The following FAM83E variants were observed in gnomAD, a reference collection of about 807,000 sequenced individuals.
FAM83E encodes scaffolding CK1 anchoring protein E, also known as protein FAM83E.
Under a neutral mutation model 34.3 loss-of-function variants are expected in FAM83E, and 29 were observed. That is an observed-to-expected ratio of 0.85 (90% CI 0.63 to 1.15). The LOEUF (loss-of-function observed/expected upper bound fraction) is 1.15, where lower values mean the gene tolerates loss of function less well. FAM83E is among the 50% of genes most tolerant of loss of function. FAM83E has a pLI of 0.00. For missense variants in FAM83E, 697 were observed against 685.0 expected (o/e 1.02, Z -0.20); for synonymous variants, 312 against 311.6 (o/e 1.00, Z -0.01).
At chr19:48,602,705 A>AAAAAATATATG (rs1973845368) in intron 6 of FAM83E, among the ~76,000 whole-genome samples, 1 of 29,428 alleles carries the variant, frequency 3.4e-5, no homozygotes, top group African/African-American at 1.7e-4. Flanking sequence ...AAAAAAAAAA[A>AAAAAATATATG]TATATATATA....
rs777752019 is a variant in FAM83E, at chr19:48,603,667, G to A, written c.1003C>T (p.Arg335Cys). The A allele has an allele frequency of 2.1e-4, 272 of 1,303,886 alleles. No individual in the cohort carries two copies. The highest frequency in any genetic ancestry group is 2.6e-4 in the Non-Finnish European group (268 of 1,024,282). The allele number at this position is 1,303,886 out of a possible 1,614,324, so 80.8% of individuals were successfully genotyped here. The change falls in exon 6 of 7, where the codon CGC (arginine) becomes TGC (cysteine). Residue 335 changes from arginine (R) to cysteine (C), a missense_variant. Arg to Cys is a radical substitution (Grantham distance 180). Coordinates refer to ENST00000263266, the MANE Select transcript of FAM83E (RefSeq NM_017708.4). ...PPPPDGPLAH[R>C]LAACRVSPAT... is the part of the protein sequence containing the mutation. ...GGGGAGACGCGGCAGGCGGCCAGGC[G>A]GTGGGCCAGCGGGCCGTCAGGCGGC... is the stretch of plus-strand genomic sequence containing the variant.
chr19:48,612,095 G>A (rs1023657557), intron 3 of FAM83E, among the ~76,000 whole-genome samples: 1 of 152,168 alleles, frequency 6.6e-6, no homozygotes, highest in Non-Finnish European at 1.5e-5. Flanking sequence ...AGATTTAACC[G>A]CCCCCGTGCC....
chr19:48,603,998 G>C, intron 5 of FAM83E, 87 bp from the exon 6 acceptor site: 1 of 1,399,494 alleles, frequency 7.1e-7, no homozygotes, highest in Non-Finnish European at 9.7e-7. Flanking sequence ...AGGGGAGACC[G>C]TAGGACCTCA....
At chr19:48,610,932 G>T in intron 3 of FAM83E, 85 bp from the exon 4 acceptor site, 1 of 1,384,320 alleles carries the variant, frequency 7.2e-7, no homozygotes, top group Non-Finnish European at 9.9e-7. Context: ...CTGACATCTG[G>T]AATCTGGGAG....
At chr19:48,609,614 C>T (rs1974003799) in intron 5 of FAM83E, among the ~76,000 whole-genome samples, 1 of 152,058 alleles carries the variant, frequency 6.6e-6, no homozygotes, top group Non-Finnish European at 1.5e-5. Context: ...TTGAACAAAC[C>T]CCACCCCCAA....
At chr19:48,609,198 C>T (rs1261192915) in intron 5 of FAM83E, among the ~76,000 whole-genome samples, 1 of 151,962 alleles carries the variant, frequency 6.6e-6, no homozygotes, top group Non-Finnish European at 1.5e-5. Flanking sequence ...GGCCACACCC[C>T]TCTCCTCCCT....
At chr19:48,602,598 G>A (rs762233763) in intron 6 of FAM83E, among the ~76,000 whole-genome samples, 133 of 145,710 alleles carry the variant, frequency 9.1e-4, no homozygotes, top group African/African-American at 3.1e-3. Context: ...CCCATCCCCC[G>A]TCTCCTCTCC....
At chr19:48,602,833 TA>T (rs1221315793) in intron 6 of FAM83E, among the ~76,000 whole-genome samples, 13 of 127,850 alleles carry the variant, frequency 1.0e-4, no homozygotes, top group African/African-American at 4.1e-4. Context: ...TGTTTATTAT[TA>T]TTATTATTAT....
At chr19:48,611,185 T>C (rs1974036245) in intron 3 of FAM83E, among the ~76,000 whole-genome samples, 3 of 151,620 alleles carry the variant, frequency 2.0e-5, no homozygotes, top group Admixed American at 1.3e-4. Context: ...TTTTTTTTTT[T>C]TGAGACGGAG....
In FAM83E at chr19:48,614,452, T is replaced by C; in HGVS notation, c.-1080A>G. 13 of 985,496 alleles carry C rather than the reference T, an allele frequency of 1.3e-5. No individual in the cohort carries two copies. The highest frequency in any genetic ancestry group is 1.6e-5 in the Non-Finnish European group (13 of 830,122). The allele number at this position is 985,496 out of a possible 1,614,324, so 61.0% of individuals were successfully genotyped here. ...TCCTGCCAGCTACCCGGACGCTTCT[T>C]CCCGGACAGGGGCCAGTCTCTATCT... On this transcript the variant is annotated 5_prime_UTR_variant, in exon 3 of 7. Transcript: ENST00000263266.
chr19:48,607,668 TAA>T (rs1190384649), intron 5 of FAM83E: 10 of 349,068 alleles, frequency 2.9e-5, no homozygotes, highest in Admixed American at 1.7e-4. Context: ...TGAAATATGG[TAA>T]AAAATATATA....
chr19:48,606,952 G>A, intron 5 of FAM83E: 1 of 1,596,244 alleles, frequency 6.3e-7, no homozygotes, highest in East Asian at 2.2e-5. Flanking sequence ...GGCCTGGCTG[G>A]GGCAGGGTCA....
At position 48,608,285 on chromosome 19, in the gene FAM83E, T is replaced by A. The variant is rs576654674; in HGVS notation, c.758+1591A>T. On this transcript the variant is annotated intron_variant, in intron 5 of 6. Transcript: ENST00000263266. ...CCATCATGTCTAATTTTTATTTTTTTAAATTTTTGTAGAGATGGGGTCCTG... is the reference window on the plus strand; with the variant it reads ...CCATCATGTCTAATTTTTATTTTTTAAAATTTTTGTAGAGATGGGGTCCTG... Among the ~76,000 whole-genome samples, 37 of 151,360 alleles carry A rather than the reference T, an allele frequency of 2.4e-4. No homozygotes were observed. The South Asian group carries it at 6.9e-3, about 28-fold the overall frequency.
Position 48,612,991 on chromosome 19 carries a change from C to T in FAM83E, c.382G>A (p.Ala128Thr). ...CCAGGAGGCTGGGTGTACAGCTGCG[C>T]CCGGGTGATGCCTTTCCACGCAGAG... ...VDSAWKGITR[A>T]QLYTQPPGEG... The change falls in exon 3 of 7, where the codon GCG becomes ACG. Residue 128 changes from alanine to threonine, a missense_variant. Ala to Thr is a moderately conservative substitution (Grantham distance 58). Transcript: ENST00000263266. 6.2e-7 allele frequency: 1 copy of T among 1,604,606 alleles called. No homozygotes were observed.
chr19:48,605,907 A>G (rs1434274562), intron 5 of FAM83E, among the ~76,000 whole-genome samples: 1 of 152,170 alleles, frequency 6.6e-6, no homozygotes, highest in Non-Finnish European at 1.5e-5. Context: ...GAATATTCAA[A>G]TGACTGAATT....
In FAM83E at chr19:48,614,798, G is replaced by T. The variant is rs1974119709; in HGVS notation, c.-1346C>A. 2 of 983,638 alleles carry T rather than the reference G, an allele frequency of 2.0e-6. No individual in the cohort carries two copies. The highest frequency in any genetic ancestry group is 2.4e-6 in the Non-Finnish European group (2 of 828,738). The allele number at this position is 983,638 out of a possible 1,614,324, so 60.9% of individuals were successfully genotyped here. The stretch of plus-strand genomic sequence containing the variant: ...CTGTGGCTCCCCGGCTTCTACTTCT[G>T]CGGTGCTTCCCGGCTTCTGGCCTCA... On this transcript the variant is annotated 5_prime_UTR_variant, in exon 2 of 7. Transcript: ENST00000263266.
At chr19:48,611,266 T>A (rs1974037824) in intron 3 of FAM83E, among the ~76,000 whole-genome samples, 1 of 151,936 alleles carries the variant, frequency 6.6e-6, no homozygotes, top group Non-Finnish European at 1.5e-5. Flanking sequence ...CCTCCCGGGT[T>A]CAAGCAATTC....
At chr19:48,612,053 T>C (rs568049775) in intron 3 of FAM83E, among the ~76,000 whole-genome samples, 17 of 152,216 alleles carry the variant, frequency 1.1e-4, no homozygotes, top group African/African-American at 4.1e-4. Flanking sequence ...ACAGCCTGGG[T>C]TCAAATCCCC....
chr19:48,613,118 T>C lies in FAM83E; in HGVS notation c.255A>G (p.Ala85=). The change falls in exon 3 of 7, where the codon GCA becomes GCG. Residue 85 remains alanine (A), a synonymous_variant. Coordinates refer to ENST00000263266, the MANE Select transcript of FAM83E (RefSeq NM_017708.4). The part of the protein sequence containing the change: ...TVAKQEPSGM[A]EGATTTDVDA... Reference sequence around the variant, plus strand: ...CCACATCGGTGGTGGTGGCTCCCTCTGCCATCCCGCTGGGCTCCTGCTTGG... The same window carrying C: ...CCACATCGGTGGTGGTGGCTCCCTCCGCCATCCCGCTGGGCTCCTGCTTGG... 1 of 1,611,384 alleles carries C rather than the reference T, an allele frequency of 6.2e-7. No individual in the cohort carries two copies. Among genetic ancestry groups the C allele is most frequent in the African/African-American group, 1.3e-5 (1 of 75,048 alleles).
Sources: allele counts gnomAD v4.1 joint callset (sites outside exome capture counted in the v4.1 genomes callset), GRCh38; gene constraint gnomAD v4.1.1; transcripts MANE v1.5; gene names NCBI Gene and HGNC (gene_info 2026-07-23, HGNC 2026-07-21).